The following LMO7 variants were observed in gnomAD, a reference collection of about 807,000 sequenced individuals.
LMO7 encodes LIM domain only protein 7.
In LMO7, 120 loss-of-function variants were observed where a neutral mutation model predicts 206.5. The observed-to-expected ratio is 0.58, with a 90% CI of 0.50 to 0.68. LMO7 has a LOEUF of 0.68. Ranked by LOEUF, LMO7 falls within the 30% of genes least tolerant of loss-of-function variation. The pLI, the probability that LMO7 is intolerant of heterozygous loss-of-function variation, is 0.00. For missense variants in LMO7, 1,959 were observed against 1,957.9 expected (o/e 1.00, Z -0.01); for synonymous variants, 706 against 681.5 (o/e 1.04, Z -0.56).
intron 13 of LMO7, among the ~76,000 whole-genome samples, chr13:75,820,942 G>A (rs1283398446): frequency 6.6e-6 from 1 of 151,366 alleles, no homozygotes; most frequent in Non-Finnish European, 1.5e-5. Flanking sequence ...GGTTGCAGGT[G>A]AGCTGAGATC....
chr13:75,739,022 C>T (rs2046198495), intron 3 of LMO7, among the ~76,000 whole-genome samples: 1 of 152,226 alleles, frequency 6.6e-6, no homozygotes, highest in African/African-American at 2.4e-5. Flanking sequence ...CTGGCCTCTA[C>T]TCACTAGATG....
At chr13:75,828,846 T>C (rs1595364601) in intron 15 of LMO7, among the ~76,000 whole-genome samples, 1 of 152,130 alleles carries the variant, frequency 6.6e-6, no homozygotes, top group African/African-American at 2.4e-5. Flanking sequence ...ATGGACTTGA[T>C]AGAACTTTGT....
At position 75,713,190 on chromosome 13, in the gene LMO7, A is replaced by G; in HGVS notation, c.78A>G (p.Thr26=). ...CCAAACCTATCTTTCAGGCAGTAAC[A>G]GAGAAGAATTTTGAAACAAAAGATT... is the stretch of plus-strand genomic sequence containing the variant. ...AEAQRWVEAV[T]EKNFETKDFR... The change falls in exon 2 of 31, where the codon ACA becomes ACG. Residue 26 remains threonine, a synonymous_variant. Transcript: ENST00000377534. The G allele has an allele frequency of 6.2e-7, 1 of 1,612,464 alleles. No individual in the cohort carries two copies. The highest frequency in any genetic ancestry group is 8.5e-7 in the Non-Finnish European group (1 of 1,178,934).
chr13:75,730,143 C>A (rs9573642), intron 3 of LMO7, among the ~76,000 whole-genome samples: 76,455 of 150,832 alleles, frequency 0.51, 20,806 homozygotes, highest in African/African-American at 0.71. Context: ...CTGGCCTCAT[C>A]AAATGAGTTA....
intron 3 of LMO7, among the ~76,000 whole-genome samples, chr13:75,733,649 G>C (rs528936828): frequency 2.0e-4 from 10 of 51,014 alleles, no homozygotes; most frequent in South Asian, 1.6e-3. Flanking sequence ...TGCGCCCACT[G>C]TCTGGCACTC....
rs958247511 is a variant in LMO7 at position 75,645,576 on chromosome 13, C to T, written c.69+8850C>T. On this transcript the variant is annotated intron_variant, in intron 1 of 30. Transcript: ENST00000377534. ...AGTTCATTGTGGAATTAGTTTTTCTCATGAGATTTAATGTTTTAATGTTTT... is the reference window on the plus strand; with the variant it reads ...AGTTCATTGTGGAATTAGTTTTTCTTATGAGATTTAATGTTTTAATGTTTT... Among the ~76,000 whole-genome samples the T allele has an allele frequency of 8.7e-4, 132 of 152,182 alleles. 1 individual carries two copies. The highest frequency in any genetic ancestry group is 3.0e-3 in the African/African-American group (126 of 41,532).
chr13:75,817,322 A>G (rs1566533000), intron 12 of LMO7, 44 bp downstream of exon 12: 1 of 1,276,248 alleles, frequency 7.8e-7, no homozygotes, highest in South Asian at 1.2e-5. Flanking sequence ...TATTTGTCTA[A>G]CTTTTCTTTG....
chr13:75,643,640 A>G (rs905366841), intron 1 of LMO7, among the ~76,000 whole-genome samples: 4 of 152,248 alleles, frequency 2.6e-5, no homozygotes, highest in Non-Finnish European at 5.9e-5. Context: ...TTAAATAATT[A>G]TTGGTTGTAT....
At chr13:75,777,632 T>G (rs562213410) in intron 4 of LMO7, among the ~76,000 whole-genome samples, 1 of 147,562 alleles carries the variant, frequency 6.8e-6, no homozygotes, top group African/African-American at 2.5e-5. Flanking sequence ...TATTTACTTC[T>G]GATTTTCTTT....
At chr13:75,751,484 G>T (rs1046457365) in intron 3 of LMO7, among the ~76,000 whole-genome samples, 2 of 152,000 alleles carry the variant, frequency 1.3e-5, no homozygotes, top group African/African-American at 4.8e-5. Context: ...TTGAAAACTT[G>T]TTTAAAGTAG....
chr13:75,807,606 A>G lies in LMO7; in HGVS notation c.1323A>G (p.Ala441=), dbSNP rs749698873. The G allele has an allele frequency of 1.9e-6, 3 of 1,613,998 alleles. No homozygotes were observed. The South Asian group carries it at 3.3e-5, about 18-fold the overall frequency. ...CCCGCAGGAAGAATCTCTCTTATGCACCAGGCTATAGAAGAGATGACCTCG... is the reference window on the plus strand; with the variant it reads ...CCCGCAGGAAGAATCTCTCTTATGCGCCAGGCTATAGAAGAGATGACCTCG... ...LITRRKNLSY[A]PGYRRDDLEM... Residue 441 remains alanine, a synonymous_variant, in exon 10 of 31, where the codon GCA becomes GCG. Transcript: ENST00000377534.
intron 1 of LMO7, among the ~76,000 whole-genome samples, chr13:75,672,488 G>GCATTGTATTA (rs2039673402): frequency 6.6e-6 from 1 of 152,036 alleles, no homozygotes; most frequent in South Asian, 2.1e-4. Context: ...TGATACAATT[G>GCATTGTATTA]CATTGTATTA....
intron 1 of LMO7, among the ~76,000 whole-genome samples, chr13:75,708,538 G>T (rs116581470): frequency 6.6e-6 from 1 of 152,202 alleles, no homozygotes; most frequent in South Asian, 2.1e-4. Flanking sequence ...TAGCATCTGC[G>T]TTGGATGTTT....
chr13:75,817,270 T>C lies in LMO7; in HGVS notation c.2056T>C (p.Trp686Arg). 6.2e-7 allele frequency: 1 copy of C among 1,601,208 alleles called. No homozygotes were observed. Among genetic ancestry groups the C allele is most frequent in the Non-Finnish European group, 8.6e-7 (1 of 1,169,360 alleles). Residue 686 changes from tryptophan to arginine, a missense_variant, in exon 12 of 31, where the codon TGG becomes CGG. Coordinates refer to ENST00000377534, the MANE Select transcript of LMO7 (RefSeq NM_001306080.2). ...ACAATTAAAAGAACAAGATCAGAAA[T>C]GGCAGGATGTGAGTATTTTGGGGAT... Reference protein sequence around the residue: ...KSQLKEQDQKWQDDLAKWKDR... With the variant: ...KSQLKEQDQKRQDDLAKWKDR...
intron 1 of LMO7, among the ~76,000 whole-genome samples, chr13:75,639,418 T>C (rs1291543000): frequency 2.0e-5 from 3 of 152,214 alleles, no homozygotes; most frequent in African/African-American, 7.2e-5. Context: ...TATTGGATTA[T>C]TACATAGTTG....
chr13:75,728,923 A>G (rs990688064), intron 3 of LMO7, among the ~76,000 whole-genome samples: 7 of 150,032 alleles, frequency 4.7e-5, no homozygotes, highest in African/African-American at 1.7e-4. Context: ...TTTGTCAAAG[A>G]TCAGATAGTT....
intron 12 of LMO7, among the ~76,000 whole-genome samples, chr13:75,818,619 G>T (rs1284376624): frequency 1.3e-5 from 2 of 152,322 alleles, no homozygotes; most frequent in African/African-American, 4.8e-5. Flanking sequence ...CGTTCCTGGG[G>T]ATATGGGGGA....
chr13:75,649,748 T>C (rs1365306798), intron 1 of LMO7, among the ~76,000 whole-genome samples: 1 of 152,130 alleles, frequency 6.6e-6, no homozygotes, highest in African/African-American at 2.4e-5. Context: ...ATATTAGAGG[T>C]AGAAGCCCTT....
At chr13:75,687,904 C>T (rs1042409572) in intron 1 of LMO7, among the ~76,000 whole-genome samples, 1 of 152,210 alleles carries the variant, frequency 6.6e-6, no homozygotes, top group South Asian at 2.1e-4. Flanking sequence ...ATAATCCCCA[C>T]GTGTTGTAGG....
Sources: gnomAD v4.1 joint callset for allele counts (sites outside exome capture counted in the v4.1 genomes callset) on GRCh38, gnomAD v4.1.1 for gene constraint, MANE v1.5 for transcripts, NCBI Gene and HGNC (gene_info 2026-07-23, HGNC 2026-07-21) for gene names.